Variants in INPP4A observed in about 807,000 individuals in gnomAD.
INPP4A encodes inositol polyphosphate-4-phosphatase, type I, 107kD.
INPP4A carries 33 observed loss-of-function variants against 119.8 expected under a neutral mutation model. That is an observed-to-expected ratio of 0.28 (90% CI 0.21 to 0.37). INPP4A has a LOEUF of 0.37. Ranked by LOEUF, INPP4A falls within the 10% of genes least tolerant of loss-of-function variation. The pLI is 1.00. For synonymous variants in INPP4A, 496 were observed against 500.7 expected, an observed-to-expected ratio of 0.99 and a Z score of 0.12; for missense variants, 956 against 1,289.9, an observed-to-expected ratio of 0.74 and a Z score of 3.97.
chr2:98,550,566 A>G (rs1693320669), intron 13 of INPP4A, among the ~76,000 whole-genome samples: 2 of 152,208 alleles, frequency 1.3e-5, no homozygotes, highest in African/African-American at 4.8e-5. Context: ...TCCAAGGGCT[A>G]TACCTAGGAT....
At chr2:98,472,670 G>A (rs1676298268) in intron 1 of INPP4A, among the ~76,000 whole-genome samples, 1 of 152,244 alleles carries the variant, frequency 6.6e-6, no homozygotes, top group African/African-American at 2.4e-5. Context: ...GAGGGTCTGT[G>A]GTGGGTCTTC....
At chr2:98,516,763 A>C (rs1686201257) in intron 1 of INPP4A, among the ~76,000 whole-genome samples, 2 of 152,132 alleles carry the variant, frequency 1.3e-5, no homozygotes, top group African/African-American at 2.4e-5. Context: ...TCAGTGACAC[A>C]AGAGTATGGC....
intron 1 of INPP4A, among the ~76,000 whole-genome samples, chr2:98,512,440 C>T (rs1685294156): frequency 6.6e-6 from 1 of 152,238 alleles, no homozygotes; most frequent in African/African-American, 2.4e-5. Flanking sequence ...CAACATACCA[C>T]AGCCTGGGTA....
chr2:98,563,728 G>A (rs919125404), intron 18 of INPP4A, 91 bp downstream of exon 18: 1 of 1,303,362 alleles, frequency 7.7e-7, no homozygotes, highest in African/African-American at 1.5e-5. Context: ...CACTTCACTT[G>A]TAAAAGACCC....
rs768031265 is a variant in INPP4A, at chr2:98,533,438, T to C, written c.213T>C (p.Ser71=). The C allele has an allele frequency of 6.2e-7, 1 of 1,613,632 alleles. No individual in the cohort carries two copies. The highest frequency in any genetic ancestry group is 8.5e-7 in the Non-Finnish European group (1 of 1,179,710). Residue 71 remains serine (S), a synonymous_variant, in exon 5 of 25, where the codon AGT becomes AGC. Coordinates refer to ENST00000409851, the MANE Select transcript of INPP4A (RefSeq NM_001134225.2). ...DRKPNSFVAV[S]VTTPPQAFWT... ...AGCCAAATAGTTTTGTTGCGGTGAG[T>C]GTCACCACCCCTCCTCAGGCATTCT...
At chr2:98,493,374 C>G (rs1260553798) in intron 1 of INPP4A, among the ~76,000 whole-genome samples, 1 of 151,138 alleles carries the variant, frequency 6.6e-6, no homozygotes, top group Non-Finnish European at 1.5e-5. Flanking sequence ...TTATTTTCAG[C>G]TTATTTACTA....
intron 1 of INPP4A, among the ~76,000 whole-genome samples, chr2:98,508,688 G>T (rs1684550168): frequency 1.3e-5 from 2 of 152,200 alleles, no homozygotes; most frequent in Non-Finnish European, 2.9e-5. Context: ...AGTTAATTGT[G>T]TGAGGGCTTC....
intron 1 of INPP4A, among the ~76,000 whole-genome samples, chr2:98,469,760 C>T (rs1180605251): frequency 5.3e-5 from 8 of 152,098 alleles, no homozygotes; most frequent in African/African-American, 1.2e-4. Flanking sequence ...GCTGAGATCA[C>T]GCCATTGCAC....
Position 98,591,595 on chromosome 2 carries a change from A to C in INPP4A, c.*3987A>C, listed in dbSNP as rs1200519902. The C allele has an allele frequency of 6.6e-6, 1 of 152,148 alleles. No individual in the cohort carries two copies. Among genetic ancestry groups the C allele is most frequent in the Non-Finnish European group, 1.5e-5 (1 of 68,044 alleles). 9.4% of individuals were successfully genotyped at this position (152,148 alleles called of 1,614,324 possible). On this transcript the variant is annotated 3_prime_UTR_variant, in exon 25 of 25. Transcript: ENST00000409851. The stretch of plus-strand genomic sequence containing the variant: ...TCTTCCTGCCCTCCCTCCGCATGCC[A>C]TTCTGGTGCTGCGCTTCAGTTTCCT...
chr2:98,493,144 T>C (rs369085059), intron 1 of INPP4A, among the ~76,000 whole-genome samples: 52 of 152,288 alleles, frequency 3.4e-4, no homozygotes, highest in African/African-American at 1.1e-3. Flanking sequence ...CTTGGGGACT[T>C]CCAAGAACAT....
At position 98,589,440 on chromosome 2, in the gene INPP4A, A is replaced by G. The variant is rs1047295495; in HGVS notation, c.*1832A>G. On this transcript the variant is annotated 3_prime_UTR_variant, in exon 25 of 25. Transcript: ENST00000409851. ...CTTTTTAAAAATAAATATTACCCAC[A>G]TAGTTTTCAGATCTTTTTTGTCTGG... 1 of 182,290 alleles carries G rather than the reference A, an allele frequency of 5.5e-6. No homozygotes were observed. The highest frequency in any genetic ancestry group is 1.2e-5 in the Non-Finnish European group (1 of 85,610). 11.3% of individuals were successfully genotyped at this position (182,290 alleles called of 1,614,324 possible). A position where few individuals can be genotyped will look rare whatever the true frequency, so the allele number is the denominator to read the frequency against.
intron 1 of INPP4A, among the ~76,000 whole-genome samples, chr2:98,447,873 C>T (rs1694475064): frequency 6.6e-6 from 1 of 151,944 alleles, no homozygotes; most frequent in South Asian, 2.1e-4. Context: ...CGGTGAAACC[C>T]TATCTCTACT....
At chr2:98,447,100 C>G (rs1271280981) in intron 1 of INPP4A, among the ~76,000 whole-genome samples, 1 of 152,178 alleles carries the variant, frequency 6.6e-6, no homozygotes, top group Non-Finnish European at 1.5e-5. Flanking sequence ...GGCTTAACAT[C>G]TCAAGAGTTC....
chr2:98,505,962 C>T (rs560761123), intron 1 of INPP4A, among the ~76,000 whole-genome samples: 1 of 152,092 alleles, frequency 6.6e-6, no homozygotes, highest in Non-Finnish European at 1.5e-5. Context: ...GAAACAATAA[C>T]AATATTTCTT....
At position 98,570,873 on chromosome 2, in the gene INPP4A, G is replaced by A. The variant is rs530370930; in HGVS notation, c.2519-1942G>A. Among the ~76,000 whole-genome samples, 33 of 152,294 alleles carry A rather than the reference G, an allele frequency of 2.2e-4. No homozygotes were observed. Among genetic ancestry groups the A allele is most frequent in the Admixed American group, 7.2e-4 (11 of 15,306 alleles). On this transcript the variant is annotated intron_variant, in intron 22 of 24. Coordinates refer to ENST00000409851, the MANE Select transcript of INPP4A (RefSeq NM_001134225.2). The surrounding 1 kb of genome is among the most constrained non-coding windows in gnomAD (Gnocchi z 4.3). ...GCACAGAACCGGGGCCTTGAGGGGA[G>A]TGGAGGTGACTGGCAGAGATGCAGT...
At chr2:98,447,561 G>C (rs1201746167) in intron 1 of INPP4A, among the ~76,000 whole-genome samples, 1 of 149,684 alleles carries the variant, frequency 6.7e-6, no homozygotes, top group Non-Finnish European at 1.5e-5. Context: ...TTTTTTTTTA[G>C]TATTTTGATA....
intron 23 of INPP4A, among the ~76,000 whole-genome samples, chr2:98,574,884 C>T (rs1224474979): frequency 6.6e-6 from 1 of 152,154 alleles, no homozygotes; most frequent in East Asian, 1.9e-4. Flanking sequence ...GAAAAGCAGT[C>T]CATCAAGTCC....
At chr2:98,575,788 G>A (rs558889507) in intron 23 of INPP4A, among the ~76,000 whole-genome samples, 63 of 152,254 alleles carry the variant, frequency 4.1e-4, no homozygotes, top group African/African-American at 1.4e-3. Context: ...ACAGATACCC[G>A]GAGCCCACCA....
In INPP4A at chr2:98,566,983, A is replaced by T. The variant is rs1468465599; in HGVS notation, c.2420+814A>T. 6.6e-6 allele frequency among the ~76,000 whole-genome samples: 1 copy of T among 152,128 alleles called. No homozygotes were observed. Among genetic ancestry groups the T allele is most frequent in the Non-Finnish European group, 1.5e-5 (1 of 68,020 alleles). On this transcript the variant is annotated intron_variant, in intron 21 of 24. Transcript: ENST00000409851. This position sits in a 1 kb window ranked among gnomAD's most constrained non-coding sequence, Gnocchi z 4.2. ...TTCCTGCTGGGCCTTCTGATGTCCA[A>T]CCCCAGTGGTTGATGTCCATTGACG...
Sources: allele counts gnomAD v4.1 joint callset (sites outside exome capture counted in the v4.1 genomes callset), GRCh38; gene constraint gnomAD v4.1.1; non-coding constraint Gnocchi (gnomAD v3.1); transcripts MANE v1.5; gene names NCBI Gene and HGNC (gene_info 2026-07-23, HGNC 2026-07-21).